ADORA1: variants seen among roughly 807,000 people sequenced by gnomAD.
ADORA1 encodes adenosine A1 receptor.
In ADORA1, 6 loss-of-function variants were observed where a neutral mutation model predicts 19.9. The observed-to-expected ratio is 0.30, with a 90% CI of 0.17 to 0.59. The LOEUF (loss-of-function observed/expected upper bound fraction) is 0.59, where lower values mean the gene tolerates loss of function less well. Among genes scored for constraint, ADORA1 ranks in the 20% least tolerant of loss-of-function variants. The pLI is 0.87. For synonymous variants in ADORA1, 194 were observed against 188.4 expected (o/e 1.03, Z -0.24); for missense variants, 302 against 439.2 (o/e 0.69, Z 2.79).
At chr1:203,153,221 G>A (rs747301710) in intron 3 of ADORA1, among the ~76,000 whole-genome samples, 16 of 152,226 alleles carry the variant, frequency 1.1e-4, no homozygotes, top group African/African-American at 2.4e-4. Context: ...AGCACATGCC[G>A]CTCTCATCAC....
At chr1:203,157,526 A>C (rs932162162) in intron 3 of ADORA1, among the ~76,000 whole-genome samples, 1 of 152,128 alleles carries the variant, frequency 6.6e-6, no homozygotes, top group Non-Finnish European at 1.5e-5. Flanking sequence ...GTGGTCCTAC[A>C]GTGCTGGTGT....
At chr1:203,153,921 C>T (rs1164421622) in intron 3 of ADORA1, among the ~76,000 whole-genome samples, 2 of 152,110 alleles carry the variant, frequency 1.3e-5, no homozygotes, top group Admixed American at 1.3e-4. Context: ...AGAGAGGAGG[C>T]GGGAAGGAGG....
At chr1:203,133,346 C>G (rs917586339) in intron 3 of ADORA1, among the ~76,000 whole-genome samples, 13 of 152,190 alleles carry the variant, frequency 8.5e-5, no homozygotes, top group African/African-American at 3.1e-4. Context: ...AATTTTTGAC[C>G]TCAGGTGAGC....
chr1:203,159,404 CG>C (rs1278174410), intron 3 of ADORA1, among the ~76,000 whole-genome samples: 1 of 152,230 alleles, frequency 6.6e-6, no homozygotes, highest in East Asian at 1.9e-4. Context: ...CGGCCTCTCT[CG>C]GGCCTTCACC....
chr1:203,139,545 T>G (rs966745482), intron 3 of ADORA1, among the ~76,000 whole-genome samples: 5 of 152,174 alleles, frequency 3.3e-5, no homozygotes, highest in African/African-American at 1.2e-4. Flanking sequence ...CAGTGATGAA[T>G]TTGAAGTGCA....
Position 203,128,171 on chromosome 1 carries a change from C to T in ADORA1, c.-212-107C>T. On this transcript the variant is annotated intron_variant, in intron 1 of 3. Transcript: ENST00000337894. This position sits in a 1 kb window ranked among gnomAD's most constrained non-coding sequence, Gnocchi z 5.9. Reference sequence around the variant, plus strand: ...GCCCCAGCCTTGTCCTGGGCTCCGTCCCCAGACCCACGTCTGCCACCCCAG... The same window carrying T: ...GCCCCAGCCTTGTCCTGGGCTCCGTTCCCAGACCCACGTCTGCCACCCCAG... 2.2e-6 allele frequency: 1 copy of T among 447,946 alleles called. No homozygotes were observed. The highest frequency in any genetic ancestry group is 2.0e-5 in the South Asian group (1 of 49,676). The allele number at this position is 447,946 out of a possible 1,614,324, so 27.7% of individuals were successfully genotyped here.
At chr1:203,159,425 C>T (rs1655294350) in intron 3 of ADORA1, among the ~76,000 whole-genome samples, 1 of 152,210 alleles carries the variant, frequency 6.6e-6, no homozygotes, top group African/African-American at 2.4e-5. Flanking sequence ...CCCTGAGGCT[C>T]CTTCACACTA....
intron 3 of ADORA1, among the ~76,000 whole-genome samples, chr1:203,131,843 C>T (rs1322089700): frequency 2.6e-5 from 4 of 152,214 alleles, no homozygotes; most frequent in Admixed American, 2.0e-4. Context: ...GTCTACGAAA[C>T]TCCTCTTGGC....
chr1:203,146,794 T>C (rs1463465049), intron 3 of ADORA1, among the ~76,000 whole-genome samples: 1 of 152,220 alleles, frequency 6.6e-6, no homozygotes, highest in East Asian at 1.9e-4. Flanking sequence ...TCCTGCCGGC[T>C]TTCTCTCGGC....
intron 3 of ADORA1, among the ~76,000 whole-genome samples, chr1:203,160,013 T>C (rs1345950844): frequency 1.3e-5 from 2 of 152,232 alleles, no homozygotes; most frequent in African/African-American, 4.8e-5. Flanking sequence ...TTCTGGGCCC[T>C]AGCCATGGCT....
In ADORA1 at chr1:203,148,142, T is replaced by G. The variant is rs1334465717; in HGVS notation, c.342-17119T>G. ...GCTGAGGCAGGAGAATCACTTGAAC[T>G]GGGGTGGCAGAGGTTGCTGTGAGCT... On this transcript the variant is annotated intron_variant, in intron 3 of 3. Transcript: ENST00000337894. Among the ~76,000 whole-genome samples, 3 of 152,106 alleles carry G rather than the reference T, an allele frequency of 2.0e-5. No individual in the cohort carries two copies. The East Asian group carries it at 5.8e-4, about 29-fold the overall frequency.
chr1:203,129,171 G>T lies in ADORA1; in HGVS notation c.330G>T (p.Lys110Asn). The change falls in exon 3 of 4, where the codon AAG becomes AAT. Residue 110 changes from lysine (K) to asparagine (N), a missense_variant. Coordinates refer to ENST00000337894, the MANE Select transcript of ADORA1 (RefSeq NM_000674.3). ...AIAVDRYLRV[K>N]IPLRYKMVVT... ...CTGTGGACCGCTACCTCCGGGTCAA[G>T]ATCCCTCTCCGGTGAGTCCACAGCG... 1 of 1,611,436 alleles carries T rather than the reference G, an allele frequency of 6.2e-7. No individual in the cohort carries two copies. Among genetic ancestry groups the T allele is most frequent in the Non-Finnish European group, 8.5e-7 (1 of 1,178,488 alleles).
chr1:203,163,701 C>T (rs1190258606), intron 3 of ADORA1, among the ~76,000 whole-genome samples: 1 of 152,132 alleles, frequency 6.6e-6, no homozygotes, highest in Non-Finnish European at 1.5e-5. Context: ...CTGGTTCCTC[C>T]CACTGGGCAA....
intron 3 of ADORA1, among the ~76,000 whole-genome samples, chr1:203,163,094 G>A (rs1655421930): frequency 6.6e-6 from 1 of 152,226 alleles, no homozygotes; most frequent in African/African-American, 2.4e-5. Flanking sequence ...GGAACACATT[G>A]AGATGGTCAG....
chr1:203,128,506 T>G lies in ADORA1; in HGVS notation c.-58+74T>G. The G allele has an allele frequency of 8.8e-7, 1 of 1,133,938 alleles. No individual in the cohort carries two copies. Among genetic ancestry groups the G allele is most frequent in the Non-Finnish European group, 1.2e-6 (1 of 855,192 alleles). The allele number at this position is 1,133,938 out of a possible 1,614,324, so 70.2% of individuals were successfully genotyped here. Reference sequence around the variant, plus strand: ...CATGGGAGACCCCTCTGTGCGTGTGTCTGTGTGTGCGCGCGCGCTGGGAGC... The same window carrying G: ...CATGGGAGACCCCTCTGTGCGTGTGGCTGTGTGTGCGCGCGCGCTGGGAGC... On this transcript the variant is annotated intron_variant, in intron 2 of 3. Coordinates refer to ENST00000337894, the MANE Select transcript of ADORA1 (RefSeq NM_000674.3). The surrounding 1 kb of genome is among the most constrained non-coding windows in gnomAD (Gnocchi z 5.9).
chr1:203,155,778 A>T (rs1655181137), intron 3 of ADORA1, among the ~76,000 whole-genome samples: 1 of 152,214 alleles, frequency 6.6e-6, no homozygotes. Flanking sequence ...TAGCGGCCTT[A>T]TGTCGCAGGA....
chr1:203,138,905 G>A (rs985388353), intron 3 of ADORA1, among the ~76,000 whole-genome samples: 4 of 152,040 alleles, frequency 2.6e-5, no homozygotes, highest in African/African-American at 7.2e-5. Context: ...TGCAGCCTCC[G>A]CCTCCCGGGT....
chr1:203,138,042 G>A (rs927528079), intron 3 of ADORA1, among the ~76,000 whole-genome samples: 2 of 152,094 alleles, frequency 1.3e-5, no homozygotes, highest in Admixed American at 1.3e-4. Flanking sequence ...AATTCATGAT[G>A]TATTTTGAAA....
In ADORA1 at chr1:203,141,643, C is replaced by T. The variant is rs1037376217; in HGVS notation, c.341+12461C>T. On this transcript the variant is annotated intron_variant, in intron 3 of 3. Coordinates refer to ENST00000337894, the MANE Select transcript of ADORA1 (RefSeq NM_000674.3). Reference sequence around the variant, plus strand: ...TTGCCTAGGCTGGAATGCAGTGGCACGATCTTGGCTCACTGCAACCTCTGC... The same window carrying T: ...TTGCCTAGGCTGGAATGCAGTGGCATGATCTTGGCTCACTGCAACCTCTGC... Among the ~76,000 whole-genome samples, 14 of 136,904 alleles carry T rather than the reference C, an allele frequency of 1.0e-4. 1 individual carries two copies. Among genetic ancestry groups the T allele is most frequent in the South Asian group, 7.5e-4 (3 of 4,026 alleles). The allele number at this position is 136,904 out of a possible 152,430, so 89.8% of individuals were successfully genotyped here. A position where few individuals can be genotyped will look rare whatever the true frequency, so the allele number is the denominator to read the frequency against.
Sources: gnomAD v4.1 joint callset for allele counts (sites outside exome capture counted in the v4.1 genomes callset) on GRCh38, gnomAD v4.1.1 for gene constraint, Gnocchi (gnomAD v3.1) non-coding constraint, MANE v1.5 for transcripts, NCBI Gene and HGNC (gene_info 2026-07-23, HGNC 2026-07-21) for gene names.